Variants in TTPA observed in about 807,000 individuals in gnomAD.
TTPA encodes the protein alpha tocopherol transfer protein.
In TTPA, 23 loss-of-function variants were observed where a neutral mutation model predicts 25.9. The ratio of observed to expected loss-of-function variants is 0.89; its 90% CI spans 0.64 to 1.26. The LOEUF is 1.26. Ranked by LOEUF, TTPA falls within the 50% of genes most tolerant of loss-of-function variation. TTPA has a pLI of 0.00. For missense variants in TTPA, 337 were observed against 353.1 expected, an observed-to-expected ratio of 0.95 and a Z score of 0.37; for synonymous variants, 148 against 137.3, an observed-to-expected ratio of 1.08 and a Z score of -0.54.
chr8:63,072,423 C>T (rs1805496916), intron 2 of TTPA, among the ~76,000 whole-genome samples: 1 of 152,160 alleles, frequency 6.6e-6, no homozygotes, highest in Non-Finnish European at 1.5e-5. Flanking sequence ...CCACCACACC[C>T]AGCTAATTTT....
intron 1 of TTPA, among the ~76,000 whole-genome samples, chr8:63,075,253 T>C (rs1163652446): frequency 1.3e-5 from 2 of 152,218 alleles, no homozygotes; most frequent in Non-Finnish European, 2.9e-5. Flanking sequence ...ATGTTATGGG[T>C]TAACTATGTT....
At chr8:63,079,926 C>T (rs939041816) in intron 1 of TTPA, among the ~76,000 whole-genome samples, 5 of 152,164 alleles carry the variant, frequency 3.3e-5, no homozygotes, top group Non-Finnish European at 5.9e-5. Context: ...GGAAGTAAAG[C>T]ACTCCTTAGC....
intron 1 of TTPA, among the ~76,000 whole-genome samples, chr8:63,084,614 A>G (rs1805718328): frequency 6.6e-6 from 1 of 152,230 alleles, no homozygotes; most frequent in African/African-American, 2.4e-5. Context: ...AATCACACAC[A>G]AACATGCTTG....
chr8:63,069,841 A>G (rs1805456993), intron 2 of TTPA, among the ~76,000 whole-genome samples: 1 of 152,208 alleles, frequency 6.6e-6, no homozygotes, highest in Admixed American at 6.5e-5. Flanking sequence ...ATCATCATAG[A>G]AAGTTCTATG....
rs1476286076 is a variant in TTPA at position 63,059,758 on chromosome 8, TC to T, written c.*1493del. On this transcript the variant is annotated 3_prime_UTR_variant, in exon 5 of 5. Transcript: ENST00000260116. ...TATAAACTGCAGTAGAAACAGTACA[TC>T]TTTACCGGTTATTTATTTATTTATT... 4 of 152,110 alleles carry T rather than the reference TC, an allele frequency of 2.6e-5. No individual in the cohort carries two copies. The highest frequency in any genetic ancestry group is 4.4e-5 in the Non-Finnish European group (3 of 68,002). The allele number at this position is 152,110 out of a possible 1,614,324, so 9.4% of individuals were successfully genotyped here.
At chr8:63,079,354 G>T (rs899332108) in intron 1 of TTPA, among the ~76,000 whole-genome samples, 4 of 152,090 alleles carry the variant, frequency 2.6e-5, no homozygotes, top group African/African-American at 7.2e-5. Flanking sequence ...AATGTAAATG[G>T]GCTAAATGTC....
At chr8:63,074,363 C>T (rs573761644) in intron 1 of TTPA, among the ~76,000 whole-genome samples, 1 of 152,200 alleles carries the variant, frequency 6.6e-6, no homozygotes, top group Admixed American at 6.5e-5. Flanking sequence ...CCCCCTCACC[C>T]CCATCTCTGA....
intron 4 of TTPA, among the ~76,000 whole-genome samples, chr8:63,061,858 T>C (rs1805311764): frequency 6.6e-6 from 1 of 152,192 alleles, no homozygotes. Context: ...CAATTAAATC[T>C]ATGAGAAACA....
chr8:63,071,656 G>A (rs529410671), intron 2 of TTPA, among the ~76,000 whole-genome samples: 48 of 152,214 alleles, frequency 3.2e-4, no homozygotes, highest in African/African-American at 1.1e-3. Flanking sequence ...AGTAAGAGGT[G>A]GGCCCTTTGC....
chr8:63,064,066 C>A (rs1805349633), intron 4 of TTPA, 140 bp downstream of exon 4: 4 of 610,378 alleles, frequency 6.6e-6, no homozygotes, highest in African/African-American at 3.8e-5. Flanking sequence ...TTTTAGTTGG[C>A]TTGTTAGATA....
At chr8:63,080,286 CA>C (rs1805639123) in intron 1 of TTPA, among the ~76,000 whole-genome samples, 1 of 152,088 alleles carries the variant, frequency 6.6e-6, no homozygotes, top group Admixed American at 6.6e-5. Flanking sequence ...CAAACAAATT[CA>C]AAAGCTAGCA....
intron 1 of TTPA, among the ~76,000 whole-genome samples, chr8:63,080,901 T>C (rs1337223220): frequency 1.3e-5 from 2 of 150,974 alleles, no homozygotes; most frequent in East Asian, 3.9e-4. Context: ...CTAGAAGAAA[T>C]GGATAAATTC....
intron 2 of TTPA, among the ~76,000 whole-genome samples, chr8:63,068,791 T>C (rs995718194): frequency 5.3e-5 from 8 of 152,208 alleles, no homozygotes; most frequent in Admixed American, 1.3e-4. Flanking sequence ...GGGATTGCTA[T>C]TTTTTAAAAA....
Position 63,076,405 on chromosome 8 carries a change from A to G in TTPA, c.205-3317T>C, listed in dbSNP as rs114430017. ...TTATGAATGAAGAAGTTAGAGTTGA[A>G]TTAAGTGCTATTGCAGAGGAAAATG... On this transcript the variant is annotated intron_variant, in intron 1 of 4. Transcript: ENST00000260116. 5.6e-3 allele frequency among the ~76,000 whole-genome samples: 855 copies of G among 151,970 alleles called. 9 individuals carry two copies. The highest frequency in any genetic ancestry group is 0.02 in the African/African-American group (830 of 41,242).
downstream of TTPA, among the ~76,000 whole-genome samples, chr8:63,059,272 T>G (rs1029670787): frequency 6.6e-5 from 10 of 151,596 alleles, no homozygotes; most frequent in Admixed American, 2.0e-4. Context: ...GACCTCGTGA[T>G]CCGCCCGCCT....
chr8:63,075,982 G>A (rs148582591), intron 1 of TTPA, among the ~76,000 whole-genome samples: 292 of 152,322 alleles, frequency 1.9e-3, no homozygotes, highest in African/African-American at 6.3e-3. Flanking sequence ...ATGAGACTAT[G>A]TAGAACAGGC....
rs367609539 is a variant in TTPA, at chr8:63,069,881, T to C, written c.358+3054A>G. Reference sequence around the variant, plus strand: ...AGTGCTGGCTAGAATTTAAGCTCCATTGAGGCAAAAGAAAAATATACCTTA... The same window carrying C: ...AGTGCTGGCTAGAATTTAAGCTCCACTGAGGCAAAAGAAAAATATACCTTA... On this transcript the variant is annotated intron_variant, in intron 2 of 4. Coordinates refer to ENST00000260116, the MANE Select transcript of TTPA (RefSeq NM_000370.3). 7.2e-5 allele frequency among the ~76,000 whole-genome samples: 11 copies of C among 152,354 alleles called. No homozygotes were observed. In the South Asian group the frequency reaches 2.3e-3, roughly 32 times the overall value.
At chr8:63,062,218 TTTAAAAAAGTA>T (rs1805318796) in intron 4 of TTPA, among the ~76,000 whole-genome samples, 1 of 152,042 alleles carries the variant, frequency 6.6e-6, no homozygotes. Context: ...AAAGTCAAAT[TTTAAAAAAGTA>T]TTAAAAAACA....
At chr8:63,074,595 T>G (rs1312743651) in intron 1 of TTPA, among the ~76,000 whole-genome samples, 2 of 152,200 alleles carry the variant, frequency 1.3e-5, no homozygotes, top group African/African-American at 4.8e-5. Flanking sequence ...GGTCCTAATA[T>G]CTTCATTCTA....
Sources: allele counts gnomAD v4.1 joint callset (sites outside exome capture counted in the v4.1 genomes callset), GRCh38; gene constraint gnomAD v4.1.1; transcripts MANE v1.5; gene names NCBI Gene and HGNC (gene_info 2026-07-23, HGNC 2026-07-21).